Variants in DOP1A observed in about 807,000 individuals in gnomAD.
DOP1A encodes the protein protein DOP1A.
A neutral mutation model predicts 267.6 loss-of-function variants in DOP1A; 90 were observed. The ratio of observed to expected loss-of-function variants is 0.34; its 90% CI spans 0.28 to 0.40. The LOEUF is 0.40. Among genes scored for constraint, DOP1A ranks in the 10% least tolerant of loss-of-function variants. DOP1A has a pLI of 1.00. For synonymous variants in DOP1A, 932 were observed against 999.1 expected (o/e 0.93, Z 1.27); for missense variants, 2,437 against 2,900.4 (o/e 0.84, Z 3.67).
intron 1 of DOP1A, among the ~76,000 whole-genome samples, chr6:83,073,970 T>A (rs1786042312): frequency 6.6e-6 from 1 of 152,230 alleles, no homozygotes; most frequent in African/African-American, 2.4e-5. Flanking sequence ...TATTGATTAT[T>A]CTCACAGGCC....
chr6:83,085,105 A>G (rs985251582), intron 1 of DOP1A, among the ~76,000 whole-genome samples: 1 of 152,204 alleles, frequency 6.6e-6, no homozygotes, highest in African/African-American at 2.4e-5. Flanking sequence ...GTCAAGTGTG[A>G]CTATACTAGT....
intron 37 of DOP1A, among the ~76,000 whole-genome samples, chr6:83,161,498 G>A (rs891050754): frequency 6.6e-6 from 1 of 152,062 alleles, no homozygotes; most frequent in Non-Finnish European, 1.5e-5. Context: ...AGATATTTTC[G>A]ATGTATATGA....
In DOP1A at chr6:83,096,930, G is replaced by T; in HGVS notation, c.-48G>T. ...TCCTGCAAACTCTTTTGTAGGTAAT[G>T]ACTTTACATGAGTTTGGAACTGGTC... is the stretch of plus-strand genomic sequence containing the variant. On this transcript the variant is annotated 5_prime_UTR_variant, in exon 3 of 39. An upstream start codon of the reference 5' UTR is lost. Coordinates refer to ENST00000349129, the MANE Select transcript of DOP1A (RefSeq NM_015018.4). The T allele has an allele frequency of 6.3e-7, 1 of 1,591,978 alleles. No homozygotes were observed. The highest frequency in any genetic ancestry group is 1.1e-5 in the South Asian group (1 of 87,916).
intron 1 of DOP1A, among the ~76,000 whole-genome samples, chr6:83,083,781 T>C (rs972758693): frequency 6.6e-6 from 1 of 152,238 alleles, no homozygotes; most frequent in Non-Finnish European, 1.5e-5. Context: ...TTTATTATTA[T>C]GGCTGTTTGC....
chr6:83,125,425 A>G (rs890318463), intron 14 of DOP1A, 75 bp from the exon 15 acceptor site: 1 of 1,354,340 alleles, frequency 7.4e-7, no homozygotes, highest in East Asian at 2.4e-5. Flanking sequence ...ATCATTGCCT[A>G]TTTATATAGA....
intron 6 of DOP1A, among the ~76,000 whole-genome samples, chr6:83,112,571 T>C (rs1774735685): frequency 6.6e-6 from 1 of 152,086 alleles, no homozygotes; most frequent in South Asian, 2.1e-4. Context: ...TCAAGTAAAC[T>C]CCCTTGCCTC....
At chr6:83,073,619 C>T (rs1785979657) in intron 1 of DOP1A, among the ~76,000 whole-genome samples, 1 of 152,146 alleles carries the variant, frequency 6.6e-6, no homozygotes, top group African/African-American at 2.4e-5. Context: ...TTATCTATTG[C>T]TACATGACAA....
At chr6:83,120,869 G>T in intron 10 of DOP1A, 78 bp downstream of exon 10, 1 of 1,121,716 alleles carries the variant, frequency 8.9e-7, no homozygotes, top group South Asian at 2.4e-5. Flanking sequence ...AGTCATCAGG[G>T]AAATTGTTAT....
chr6:83,139,124 T>G lies in DOP1A; in HGVS notation c.5082T>G (p.Ile1694Met), dbSNP rs1199629860. 6.2e-7 allele frequency: 1 copy of G among 1,613,790 alleles called. No homozygotes were observed. The highest frequency in any genetic ancestry group is 1.7e-5 in the Admixed American group (1 of 59,994). Residue 1694 changes from isoleucine (I) to methionine (M), a missense_variant, in exon 21 of 39, where the codon ATT becomes ATG. Ile to Met is a conservative substitution (Grantham distance 10). This residue lies in a region of DOP1A where 307 missense variants were observed against 308.6 expected (regional missense o/e 0.99). Coordinates refer to ENST00000349129, the MANE Select transcript of DOP1A (RefSeq NM_015018.4). ...TGTGCAGAAATTTAGATAATCTAAT[T>G]CAGCAGTACAAATACGAAACAGGAT... ...LQLCRNLDNL[I>M]QQYKYETGLS...
rs1456407489 is a variant in DOP1A, at chr6:83,138,448, C to T, written c.4406C>T (p.Pro1469Leu). The T allele has an allele frequency of 3.7e-6, 6 of 1,612,544 alleles. No individual in the cohort carries two copies. The highest frequency in any genetic ancestry group is 5.1e-6 in the Non-Finnish European group (6 of 1,179,866). ...LCLYYMRSHY[P>L]THVKVTAQDL... ...TTATATTACATGCGTAGCCATTACC[C>T]AACTCATGTCAAGGTTACTGCACAA... is the stretch of plus-strand genomic sequence containing the variant. Residue 1469 changes from proline to leucine, a missense_variant, in exon 21 of 39, where the codon CCA (proline) becomes CTA (leucine). Pro to Leu is a moderately conservative substitution (Grantham distance 98, BLOSUM62 -3). Around this residue, in one of 9 missense-constraint regions of DOP1A, gnomAD observed 878 missense variants for 992.9 expected, o/e 0.88. Transcript: ENST00000349129.
At chr6:83,169,810 A>T (rs1328734620), downstream of DOP1A, 2 of 457,498 alleles carry the variant, frequency 4.4e-6, no homozygotes, top group Admixed American at 4.7e-5. Context: ...AAGAGGCCAA[A>T]TAATAAAAAT....
In DOP1A at chr6:83,167,950, A is replaced by C; in HGVS notation, c.7181A>C (p.Glu2394Ala). 2 of 1,614,172 alleles carry C rather than the reference A, an allele frequency of 1.2e-6. No individual in the cohort carries two copies. Among genetic ancestry groups the C allele is most frequent in the South Asian group, 2.2e-5 (2 of 91,074 alleles). The change falls in exon 39 of 39, where the codon GAG becomes GCG. Residue 2394 changes from glutamate to alanine, a missense_variant. By Grantham distance (107) the Glu-to-Ala change is moderately radical. This residue lies in a region of DOP1A where 197 missense variants were observed against 246.5 expected (regional missense o/e 0.80). Coordinates refer to ENST00000349129, the MANE Select transcript of DOP1A (RefSeq NM_015018.4). ...LLTICTVRSM[E>A]QLLPFFNVLS... ...ACCATCTGCACCGTGCGCAGTATGG[A>C]GCAGCTCCTGCCGTTCTTCAATGTG...
At chr6:83,124,606 C>T in intron 12 of DOP1A, 99 bp from the exon 13 acceptor site, 1 of 867,000 alleles carries the variant, frequency 1.2e-6, no homozygotes, top group Non-Finnish European at 1.9e-6. Context: ...TGTGTGTGAC[C>T]CAATATTGAC....
chr6:83,072,520 G>A (rs1370609346), intron 1 of DOP1A, among the ~76,000 whole-genome samples: 2 of 152,144 alleles, frequency 1.3e-5, no homozygotes, highest in Non-Finnish European at 1.5e-5. Context: ...TGGATGCATA[G>A]CATTTATTTC....
intron 20 of DOP1A, among the ~76,000 whole-genome samples, chr6:83,136,684 G>T (rs1022340479): frequency 6.6e-6 from 1 of 151,996 alleles, no homozygotes; most frequent in African/African-American, 2.4e-5. Context: ...TCTGAATCTT[G>T]TAAGAATTTG....
At chr6:83,105,036 TC>T (rs1773334496) in intron 4 of DOP1A, among the ~76,000 whole-genome samples, 1 of 152,190 alleles carries the variant, frequency 6.6e-6, no homozygotes, top group Non-Finnish European at 1.5e-5. Context: ...CTTTTTCTTC[TC>T]TGCTGTAACA....
intron 33 of DOP1A, among the ~76,000 whole-genome samples, chr6:83,155,454 ACCATCTCAAAG>A (rs1222420062): frequency 6.6e-6 from 1 of 152,042 alleles, no homozygotes; most frequent in African/African-American, 2.4e-5. Context: ...AGAGGAAGAT[ACCATCTCAAAG>A]AAAAATACAA....
intron 7 of DOP1A, among the ~76,000 whole-genome samples, chr6:83,117,165 T>TTTTAC (rs1296472617): frequency 1.1e-3 from 168 of 150,916 alleles, no homozygotes; most frequent in African/African-American, 3.3e-3. Flanking sequence ...TTTTATTTTA[T>TTTTAC]TTTGAGACAG....
intron 24 of DOP1A, among the ~76,000 whole-genome samples, chr6:83,145,206 TA>T (rs796126316): frequency 0.011 from 33 of 3,004 alleles, 3 homozygotes; most frequent in African/African-American, 0.033. Flanking sequence ...ATATATATAA[TA>T]ATATATATAT....
Sources: gnomAD v4.1 joint callset for allele counts (sites outside exome capture counted in the v4.1 genomes callset) on GRCh38, gnomAD v4.1.1 for gene constraint, gnomAD v4.1.1 regional missense constraint, MANE v1.5 for transcripts, NCBI Gene and HGNC (gene_info 2026-07-23, HGNC 2026-07-21) for gene names.